VSTM2L: variants seen among roughly 807,000 people sequenced by gnomAD.
VSTM2L encodes V-set and transmembrane domain-containing protein 2-like protein.
VSTM2L carries 9 observed loss-of-function variants against 19.9 expected under a neutral mutation model. The observed-to-expected ratio is 0.45, with a 90% CI of 0.27 to 0.79. The LOEUF (loss-of-function observed/expected upper bound fraction) is 0.79, where lower values mean the gene tolerates loss of function less well. Ranked by LOEUF, VSTM2L falls within the 30% of genes least tolerant of loss-of-function variation. VSTM2L has a pLI of 0.15. For synonymous variants in VSTM2L, 127 were observed against 133.8 expected, an observed-to-expected ratio of 0.95 and a Z score of 0.35; for missense variants, 286 against 295.5, an observed-to-expected ratio of 0.97 and a Z score of 0.24.
At chr20:37,931,862 G>A in intron 2 of VSTM2L, 58 bp downstream of exon 2, 2 of 1,552,854 alleles carry the variant, frequency 1.3e-6, no homozygotes, top group East Asian at 2.3e-5. Flanking sequence ...CCCTGGGGTA[G>A]GGGTATTTCT....
At chr20:37,943,312 T>C (rs2072984278) in intron 3 of VSTM2L, among the ~76,000 whole-genome samples, 1 of 152,096 alleles carries the variant, frequency 6.6e-6, no homozygotes, top group Non-Finnish European at 1.5e-5. Flanking sequence ...TCTCACTCTG[T>C]CACCTAGGCT....
intron 3 of VSTM2L, among the ~76,000 whole-genome samples, chr20:37,940,351 G>T (rs2093636574): frequency 6.6e-6 from 1 of 152,060 alleles, no homozygotes; most frequent in Non-Finnish European, 1.5e-5. Flanking sequence ...TGCTTGCCAT[G>T]GGGAAGTCCT....
At position 37,929,387 on chromosome 20, in the gene VSTM2L, C is replaced by T. The variant is rs140129976; in HGVS notation, c.122-2248C>T. On this transcript the variant is annotated intron_variant, in intron 1 of 3. Coordinates refer to ENST00000373461, the MANE Select transcript of VSTM2L (RefSeq NM_080607.3). ...TCCCATGGAAGGCCCTGTCAGCCAT[C>T]TGGAGTGCAGTGGTGCGTTCAAGGC... Among the ~76,000 whole-genome samples the T allele has an allele frequency of 1.8e-4, 27 of 152,314 alleles. No homozygotes were observed. The East Asian group carries it at 5.2e-3, about 29-fold the overall frequency.
At chr20:37,927,991 A>G (rs1457493702) in intron 1 of VSTM2L, among the ~76,000 whole-genome samples, 2 of 152,092 alleles carry the variant, frequency 1.3e-5, no homozygotes, top group Non-Finnish European at 2.9e-5. Flanking sequence ...AAGTTCCCTG[A>G]TAGTTCTGCA....
chr20:37,928,262 C>G (rs901207531), intron 1 of VSTM2L, among the ~76,000 whole-genome samples: 2 of 152,164 alleles, frequency 1.3e-5, no homozygotes, highest in Non-Finnish European at 2.9e-5. Flanking sequence ...GAGGGACAAG[C>G]AACCCACTAG....
In VSTM2L at chr20:37,945,290, C is replaced by T; in HGVS notation, c.*1037C>T. The T allele has an allele frequency of 9.1e-6, 9 of 985,190 alleles. No homozygotes were observed. Among genetic ancestry groups the T allele is most frequent in the Non-Finnish European group, 1.1e-5 (9 of 829,800 alleles). 61.0% of individuals were successfully genotyped at this position (985,190 alleles called of 1,614,324 possible). ...AGGGCTTTGCCTAGGGGTGGGTTGCCCTGTATACATGATCCAGTCTGTGAC... is the reference window on the plus strand; with the variant it reads ...AGGGCTTTGCCTAGGGGTGGGTTGCTCTGTATACATGATCCAGTCTGTGAC... On this transcript the variant is annotated 3_prime_UTR_variant, in exon 4 of 4. Coordinates refer to ENST00000373461, the MANE Select transcript of VSTM2L (RefSeq NM_080607.3).
At chr20:37,914,521 G>A (rs1038023693) in intron 1 of VSTM2L, among the ~76,000 whole-genome samples, 2 of 149,726 alleles carry the variant, frequency 1.3e-5, no homozygotes, top group Non-Finnish European at 3.0e-5. Context: ...GTGTGTGTGT[G>A]TACACTGGCC....
chr20:37,917,894 A>G (rs2072829290), intron 1 of VSTM2L, among the ~76,000 whole-genome samples: 1 of 152,192 alleles, frequency 6.6e-6, no homozygotes. Flanking sequence ...CTCCTATTTC[A>G]TTCAAAATTT....
At chr20:37,905,293 A>T (rs1432701078) in intron 1 of VSTM2L, among the ~76,000 whole-genome samples, 1 of 151,814 alleles carries the variant, frequency 6.6e-6, no homozygotes. Context: ...GAGGAATGGG[A>T]CTCTGAGGCT....
At chr20:37,932,960 TC>T (rs1203834076) in intron 2 of VSTM2L, among the ~76,000 whole-genome samples, 2 of 152,156 alleles carry the variant, frequency 1.3e-5, no homozygotes, top group African/African-American at 4.8e-5. Context: ...TTTGTCTTGC[TC>T]CTGGGGGTGT....
At chr20:37,922,900 C>T (rs969534268) in intron 1 of VSTM2L, among the ~76,000 whole-genome samples, 6 of 151,358 alleles carry the variant, frequency 4.0e-5, no homozygotes, top group African/African-American at 1.5e-4. Flanking sequence ...GGCTGCAGGG[C>T]CCACGCGTGA....
At chr20:37,935,983 C>T (rs894743905) in intron 3 of VSTM2L, among the ~76,000 whole-genome samples, 5 of 150,010 alleles carry the variant, frequency 3.3e-5, no homozygotes, top group South Asian at 2.1e-4. Flanking sequence ...CTCCTGAGTT[C>T]GAGAAATTCT....
chr20:37,927,221 C>A (rs1239407008), intron 1 of VSTM2L, among the ~76,000 whole-genome samples: 1 of 152,152 alleles, frequency 6.6e-6, no homozygotes, highest in Non-Finnish European at 1.5e-5. Context: ...TGCCTCGGTC[C>A]CCCAAAATGC....
At chr20:37,912,308 A>G (rs1294527157) in intron 1 of VSTM2L, among the ~76,000 whole-genome samples, 1 of 152,208 alleles carries the variant, frequency 6.6e-6, no homozygotes, top group African/African-American at 2.4e-5. Flanking sequence ...TCAGATTCTC[A>G]CAGGGGTCAG....
intron 1 of VSTM2L, among the ~76,000 whole-genome samples, chr20:37,904,662 C>T (rs1241594245): frequency 2.0e-5 from 3 of 152,164 alleles, no homozygotes; most frequent in Non-Finnish European, 4.4e-5. Context: ...ACTGTGGGCC[C>T]AGGGCTGTGG....
chr20:37,928,232 C>T (rs533452955), intron 1 of VSTM2L, among the ~76,000 whole-genome samples: 8 of 152,284 alleles, frequency 5.3e-5, no homozygotes, highest in African/African-American at 9.6e-5. Context: ...TGAATCAAGG[C>T]AGAATCCGCC....
chr20:37,916,331 C>G (rs1178445461), intron 1 of VSTM2L, among the ~76,000 whole-genome samples: 2 of 152,230 alleles, frequency 1.3e-5, no homozygotes, highest in Non-Finnish European at 2.9e-5. Flanking sequence ...TCTCTGGCTC[C>G]CTGAACACTC....
chr20:37,905,382 T>TC (rs1245763979), intron 1 of VSTM2L, among the ~76,000 whole-genome samples: 8 of 151,636 alleles, frequency 5.3e-5, no homozygotes, highest in Non-Finnish European at 8.8e-5. Context: ...CCAAGGTGGC[T>TC]CCCCCCCATA....
intron 1 of VSTM2L, 128 bp downstream of exon 1, chr20:37,903,599 C>G: frequency 4.7e-6 from 6 of 1,284,102 alleles, no homozygotes; most frequent in South Asian, 2.1e-5. Context: ...CGCCCCCTGC[C>G]GGCGCGGTGG....
Sources: gnomAD v4.1 joint callset for allele counts (sites outside exome capture counted in the v4.1 genomes callset) on GRCh38, gnomAD v4.1.1 for gene constraint, MANE v1.5 for transcripts, NCBI Gene and HGNC (gene_info 2026-07-23, HGNC 2026-07-21) for gene names.